The following SLC35F4 variants were observed in gnomAD, a reference collection of about 807,000 sequenced individuals.
SLC35F4 encodes solute carrier family 35 member F4.
A neutral mutation model predicts 44.2 loss-of-function variants in SLC35F4; 24 were observed. The ratio of observed to expected loss-of-function variants is 0.54; its 90% CI spans 0.39 to 0.76. SLC35F4 has a LOEUF of 0.76. SLC35F4 is among the 30% of genes least tolerant of loss of function. The pLI is 0.00. For missense variants in SLC35F4, 562 were observed against 586.1 expected, an observed-to-expected ratio of 0.96 and a Z score of 0.42; for synonymous variants, 238 against 223.6, an observed-to-expected ratio of 1.06 and a Z score of -0.57.
At chr14:57,605,800 G>A (rs1116678) in intron 1 of SLC35F4, among the ~76,000 whole-genome samples, 52,723 of 151,064 alleles carry the variant, frequency 0.35, 10,011 homozygotes, top group Admixed American at 0.45. Context: ...ATGAAATCAC[G>A]TCCCTTGCAA....
chr14:57,757,163 G>T (rs2077013997), intron 1 of SLC35F4, among the ~76,000 whole-genome samples: 1 of 151,960 alleles, frequency 6.6e-6, no homozygotes, highest in South Asian at 2.1e-4. Context: ...TTTATCTCTG[G>T]TGTTACTCTT....
intron 4 of SLC35F4, among the ~76,000 whole-genome samples, chr14:57,574,315 G>A (rs2068668054): frequency 2.0e-5 from 3 of 152,100 alleles, no homozygotes; most frequent in African/African-American, 2.4e-5. Context: ...TTCATTACTC[G>A]TTATATTCAA....
At position 57,937,655 on chromosome 14, in the gene SLC35F4, A is replaced by AAAAG. The variant is rs1566505828; in HGVS notation, n.282+44257_282+44258insCTTT. ...GAAAAGAAAAGAAAAGAAAAGAAAA[A>AAAAG]AGAAAAGAAAAAGATATCACAAAGG... On this transcript the variant is annotated intron_variant and non_coding_transcript_variant, in intron 1 of 1. Transcript: ENST00000556568. 1.2e-4 allele frequency among the ~76,000 whole-genome samples: 16 copies of AAAAG among 135,988 alleles called. 1 individual carries two copies. Among genetic ancestry groups the AAAAG allele is most frequent in the African/African-American group, 4.5e-4 (14 of 31,006 alleles). The allele number at this position is 135,988 out of a possible 152,430, so 89.2% of individuals were successfully genotyped here. A position where few individuals can be genotyped will look rare whatever the true frequency, so the allele number is the denominator to read the frequency against.
chr14:57,917,510 C>G (rs779921214), intron 1 of SLC35F4, among the ~76,000 whole-genome samples: 8 of 152,002 alleles, frequency 5.3e-5, no homozygotes, highest in South Asian at 4.2e-4. Context: ...CTTGTTCAGT[C>G]TCTTCTTTTT....
At chr14:57,803,413 C>T (rs2347365) in intron 1 of SLC35F4, among the ~76,000 whole-genome samples, 56,610 of 151,782 alleles carry the variant, frequency 0.37, 11,035 homozygotes, top group Admixed American at 0.48. Flanking sequence ...GATGCCGTCT[C>T]TCACCACTCC....
chr14:57,935,164 C>G (rs1473880239), intron 1 of SLC35F4, among the ~76,000 whole-genome samples: 1 of 152,160 alleles, frequency 6.6e-6, no homozygotes, highest in African/African-American at 2.4e-5. Flanking sequence ...AAGTTACCTT[C>G]CCATGATTTT....
At chr14:57,895,520 T>C (rs1888852495) in intron 1 of SLC35F4, among the ~76,000 whole-genome samples, 1 of 151,856 alleles carries the variant, frequency 6.6e-6, no homozygotes, top group South Asian at 2.1e-4. Context: ...AGTGGATGAG[T>C]TCTCATGAGA....
chr14:57,700,913 C>T (rs980605881), intron 1 of SLC35F4, among the ~76,000 whole-genome samples: 1 of 152,040 alleles, frequency 6.6e-6, no homozygotes, highest in Non-Finnish European at 1.5e-5. Context: ...GTCAAACAAA[C>T]AAAAAAGCCC....
At chr14:57,645,149 T>G (rs559529106) in intron 1 of SLC35F4, among the ~76,000 whole-genome samples, 2 of 152,326 alleles carry the variant, frequency 1.3e-5, no homozygotes, top group Admixed American at 1.3e-4. Context: ...TTTTTCCAAT[T>G]CTGTGAACAA....
chr14:57,811,200 A>C (rs1368148378), intron 1 of SLC35F4, among the ~76,000 whole-genome samples: 3 of 152,134 alleles, frequency 2.0e-5, no homozygotes, highest in Non-Finnish European at 4.4e-5. Flanking sequence ...TTCCCACCAA[A>C]AGTGGGCACC....
chr14:57,783,462 G>T (rs938542832), intron 1 of SLC35F4, among the ~76,000 whole-genome samples: 1 of 152,160 alleles, frequency 6.6e-6, no homozygotes, highest in Non-Finnish European at 1.5e-5. Context: ...AGGATTTAAG[G>T]CAGGAAGGAA....
rs1329511818 is a variant in SLC35F4, at chr14:57,611,470, G to A, written c.104-17346C>T. Among the ~76,000 whole-genome samples, 3 of 152,010 alleles carry A rather than the reference G, an allele frequency of 2.0e-5. No individual in the cohort carries two copies. The East Asian group carries it at 5.8e-4, about 29-fold the overall frequency. On this transcript the variant is annotated intron_variant, in intron 1 of 7. Coordinates refer to ENST00000556826, the MANE Select transcript of SLC35F4 (RefSeq NM_001306087.2). ...TCCAGGATGAACACCCCGGGGAACA[G>A]TCCTGGGAAATGCTGTTATCAAGGG...
chr14:57,719,409 G>T (rs564961963), intron 1 of SLC35F4, among the ~76,000 whole-genome samples: 1 of 152,258 alleles, frequency 6.6e-6, no homozygotes, highest in South Asian at 2.1e-4. Flanking sequence ...ATTGCTTTGG[G>T]TAGTATGGAC....
intron 1 of SLC35F4, among the ~76,000 whole-genome samples, chr14:57,785,660 C>A (rs1336721413): frequency 1.3e-5 from 2 of 152,092 alleles, no homozygotes; most frequent in South Asian, 4.1e-4. Flanking sequence ...TACTGGAGAA[C>A]CTGAAGGTCT....
At chr14:57,674,650 C>T (rs2140282985) in intron 1 of SLC35F4, among the ~76,000 whole-genome samples, 1 of 152,262 alleles carries the variant, frequency 6.6e-6, no homozygotes, top group South Asian at 2.1e-4. Flanking sequence ...TTTTACCCTA[C>T]TTTCAAGCTA....
At chr14:57,833,379 C>A (rs1052039562) in intron 1 of SLC35F4, among the ~76,000 whole-genome samples, 5 of 152,182 alleles carry the variant, frequency 3.3e-5, no homozygotes, top group Non-Finnish European at 5.9e-5. Context: ...AGGCTTTGCA[C>A]CCCCAGAGGA....
At chr14:57,734,603 C>A (rs540538365) in intron 1 of SLC35F4, among the ~76,000 whole-genome samples, 24 of 152,176 alleles carry the variant, frequency 1.6e-4, no homozygotes, top group African/African-American at 5.8e-4. Context: ...TAAGCTGGGA[C>A]AACACAGGGA....
At chr14:57,843,246 G>A (rs1267124656) in intron 1 of SLC35F4, among the ~76,000 whole-genome samples, 1 of 151,948 alleles carries the variant, frequency 6.6e-6, no homozygotes, top group East Asian at 1.9e-4. Flanking sequence ...TATTAGTTCT[G>A]TCCCTCTAAA....
At chr14:57,600,139 C>T (rs2070728617) in intron 1 of SLC35F4, among the ~76,000 whole-genome samples, 1 of 152,192 alleles carries the variant, frequency 6.6e-6, no homozygotes, top group Admixed American at 6.5e-5. Flanking sequence ...CTCCTAACCC[C>T]CTACTAGCTT....
Sources: allele counts gnomAD v4.1 joint callset (sites outside exome capture counted in the v4.1 genomes callset), GRCh38; gene constraint gnomAD v4.1.1; transcripts MANE v1.5; gene names NCBI Gene and HGNC (gene_info 2026-07-23, HGNC 2026-07-21).